GPC5: variants seen among roughly 807,000 people sequenced by gnomAD.
GPC5 encodes glypican 5.
In GPC5, 47 loss-of-function variants were observed where a neutral mutation model predicts 53.9. The ratio of observed to expected loss-of-function variants is 0.87; its 90% confidence interval spans 0.69 to 1.11. GPC5 has a LOEUF of 1.11. GPC5 is among the 50% of genes most tolerant of loss of function. The pLI, the probability that GPC5 is intolerant of heterozygous loss-of-function variation, is 0.00. For missense variants in GPC5, 748 were observed against 713.1 expected, an observed-to-expected ratio of 1.05 and a Z score of -0.56; for synonymous variants, 286 against 263.3, an observed-to-expected ratio of 1.09 and a Z score of -0.84.
chr13:92,136,598 AT>A (rs1332471010), intron 6 of GPC5, among the ~76,000 whole-genome samples: 1 of 152,198 alleles, frequency 6.6e-6, no homozygotes, highest in Non-Finnish European at 1.5e-5. Context: ...CTAAACACAT[AT>A]TTACTTCTCA....
At chr13:91,550,121 AT>A (rs1410704559) in intron 2 of GPC5, among the ~76,000 whole-genome samples, 1 of 152,146 alleles carries the variant, frequency 6.6e-6, no homozygotes, top group Non-Finnish European at 1.5e-5. Flanking sequence ...GTTTTACTAC[AT>A]GAAAAAAGCC....
At chr13:92,303,085 T>C (rs2043086105) in intron 7 of GPC5, among the ~76,000 whole-genome samples, 1 of 152,188 alleles carries the variant, frequency 6.6e-6, no homozygotes, top group African/African-American at 2.4e-5. Context: ...AACATTTTCA[T>C]TGTTTTTTTC....
At chr13:92,677,125 A>G (rs1886969428) in intron 7 of GPC5, among the ~76,000 whole-genome samples, 1 of 152,202 alleles carries the variant, frequency 6.6e-6, no homozygotes, top group South Asian at 2.1e-4. Context: ...CCTTTAACTT[A>G]TTAAAATTTT....
chr13:91,870,524 G>A (rs564851753), intron 5 of GPC5, among the ~76,000 whole-genome samples: 2 of 152,172 alleles, frequency 1.3e-5, no homozygotes, highest in South Asian at 2.1e-4. Flanking sequence ...ATAAGCAGAC[G>A]CCATGACACT....
At chr13:91,827,374 T>A (rs553209111) in intron 5 of GPC5, among the ~76,000 whole-genome samples, 1 of 151,954 alleles carries the variant, frequency 6.6e-6, no homozygotes. Flanking sequence ...AAGACACTTA[T>A]AATATGCACA....
At chr13:92,347,067 C>T (rs1374548099) in intron 7 of GPC5, among the ~76,000 whole-genome samples, 1 of 152,070 alleles carries the variant, frequency 6.6e-6, no homozygotes, top group Non-Finnish European at 1.5e-5. Context: ...AGAGACCAAA[C>T]TTACACAATA....
At chr13:91,408,890 A>G (rs1877519306) in intron 1 of GPC5, among the ~76,000 whole-genome samples, 1 of 152,128 alleles carries the variant, frequency 6.6e-6, no homozygotes, top group Admixed American at 6.6e-5. Flanking sequence ...TTACAGTTTC[A>G]AGAGAATCTA....
At chr13:92,704,822 C>CAT (rs1225055051) in intron 7 of GPC5, among the ~76,000 whole-genome samples, 2 of 137,456 alleles carry the variant, frequency 1.5e-5, no homozygotes, top group Admixed American at 7.8e-5. Context: ...TATATACTTA[C>CAT]ATATATATAC....
intron 5 of GPC5, among the ~76,000 whole-genome samples, chr13:91,820,034 T>A (rs1310839227): frequency 6.6e-6 from 1 of 152,220 alleles, no homozygotes; most frequent in Non-Finnish European, 1.5e-5. Flanking sequence ...TTGAATATTT[T>A]GCCCATTTTT....
intron 7 of GPC5, among the ~76,000 whole-genome samples, chr13:92,471,448 T>C (rs916471103): frequency 1.3e-5 from 2 of 151,876 alleles, no homozygotes; most frequent in Non-Finnish European, 2.9e-5. Flanking sequence ...CACGCTGAGG[T>C]CTTTTGGTTA....
intron 7 of GPC5, among the ~76,000 whole-genome samples, chr13:92,432,927 T>C (rs984334233): frequency 1.3e-5 from 2 of 152,128 alleles, no homozygotes; most frequent in African/African-American, 4.8e-5. Context: ...ATGAAGGAGA[T>C]GTTTATAACC....
At chr13:91,979,213 C>T (rs990444018) in intron 6 of GPC5, among the ~76,000 whole-genome samples, 2 of 151,466 alleles carry the variant, frequency 1.3e-5, no homozygotes, top group Admixed American at 6.6e-5. Flanking sequence ...AATAAAAAGC[C>T]CATAGTGATT....
intron 2 of GPC5, among the ~76,000 whole-genome samples, chr13:91,537,104 G>T (rs1430862225): frequency 1.3e-5 from 2 of 152,020 alleles, no homozygotes; most frequent in Non-Finnish European, 2.9e-5. Context: ...AGAAAAAAAG[G>T]TTTCAGATCA....
At chr13:92,461,935 A>T (rs1402590185) in intron 7 of GPC5, among the ~76,000 whole-genome samples, 1 of 152,180 alleles carries the variant, frequency 6.6e-6, no homozygotes, top group Non-Finnish European at 1.5e-5. Context: ...ACCTGTGTGA[A>T]GTGAGGGAGA....
intron 6 of GPC5, among the ~76,000 whole-genome samples, chr13:91,922,954 C>G (rs944445302): frequency 2.0e-5 from 3 of 152,170 alleles, no homozygotes; most frequent in African/African-American, 7.2e-5. Context: ...AGTTCTACCA[C>G]CCTCCATTGA....
chr13:91,706,357 T>G (rs2036106017), intron 3 of GPC5, among the ~76,000 whole-genome samples: 1 of 152,138 alleles, frequency 6.6e-6, no homozygotes, highest in African/African-American at 2.4e-5. Context: ...AGTTCTTGTT[T>G]TATCTGAAAA....
chr13:91,411,678 A>G (rs1443121298), intron 1 of GPC5, among the ~76,000 whole-genome samples: 3 of 152,230 alleles, frequency 2.0e-5, no homozygotes, highest in Admixed American at 2.0e-4. Context: ...CCTAAGGGGC[A>G]GTATCAGTGA....
chr13:91,761,008 A>G (rs1290657188), intron 5 of GPC5, among the ~76,000 whole-genome samples: 3 of 152,218 alleles, frequency 2.0e-5, no homozygotes, highest in African/African-American at 7.2e-5. Context: ...AGTCTCTTTT[A>G]TCTCCCCTTC....
chr13:92,199,517 G>T (rs987003775), intron 7 of GPC5, among the ~76,000 whole-genome samples: 8 of 151,984 alleles, frequency 5.3e-5, no homozygotes, highest in Non-Finnish European at 8.8e-5. Context: ...TTTAAAGTAG[G>T]TTCCATCATT....
Sources: gnomAD v4.1 joint callset for allele counts (sites outside exome capture counted in the v4.1 genomes callset) on GRCh38, gnomAD v4.1.1 for gene constraint, MANE v1.5 for transcripts, NCBI Gene and HGNC (gene_info 2026-07-23, HGNC 2026-07-21) for gene names.